MRC2: variants seen among roughly 807,000 people sequenced by gnomAD.
MRC2 encodes the protein C-type mannose receptor 2.
MRC2 carries 84 observed loss-of-function variants against 206.2 expected under a neutral mutation model. That is an observed-to-expected ratio of 0.41 (90% CI 0.34 to 0.49). The LOEUF is 0.49. MRC2 is among the 20% of genes least tolerant of loss of function. The pLI is 0.31. For missense variants in MRC2, 1,676 were observed against 2,001.5 expected, an observed-to-expected ratio of 0.84 and a Z score of 3.10; for synonymous variants, 798 against 800.0, an observed-to-expected ratio of 1.00 and a Z score of 0.04.
Position 62,627,815 on chromosome 17 carries a change from C to G in MRC2, c.13C>G (p.Arg5Gly), listed in dbSNP as rs1283787882. MGPG[R>G]PAPAPWPRHL... ...GCCGCGCTCGGGGATGGGGCCCGGC[C>G]GGCCGGCCCCCGCGCCCTGGCCTCG... is the stretch of plus-strand genomic sequence containing the variant. Residue 5 changes from arginine (R) to glycine (G), a missense_variant, in exon 1 of 30, where the codon CGG becomes GGG. Arg to Gly is a moderately radical substitution (Grantham distance 125). Transcript: ENST00000303375. 2 of 1,445,720 alleles carry G rather than the reference C, an allele frequency of 1.4e-6. No homozygotes were observed. The highest frequency in any genetic ancestry group is 3.0e-5 in the East Asian group (1 of 33,200). 89.6% of individuals were successfully genotyped at this position (1,445,720 alleles called of 1,614,324 possible). A position where few individuals can be genotyped will look rare whatever the true frequency, so the allele number is the denominator to read the frequency against.
At position 62,690,156 on chromosome 17, in the gene MRC2, G is replaced by T. The variant is rs1237380638; in HGVS notation, c.3743G>T (p.Gly1248Val). The T allele has an allele frequency of 6.2e-7, 1 of 1,601,638 alleles. No individual in the cohort carries two copies. Among genetic ancestry groups the T allele is most frequent in the African/African-American group, 1.3e-5 (1 of 74,714 alleles). ...ACTTCTTAATCCTGTACCCCCACAG[G>T]GCCCCCTCCTCCCCGAAGAATAAGC... is the stretch of plus-strand genomic sequence containing the variant. Reference protein sequence around the residue: ...LQGAVCGVSSGPPPPRRISYH... With the variant: ...LQGAVCGVSSVPPPPRRISYH... The change falls in exon 26 of 30, where the codon GGG becomes GTG. Residue 1248 changes from glycine (G) to valine (V), a missense_variant and splice_region_variant. Coordinates refer to ENST00000303375, the MANE Select transcript of MRC2 (RefSeq NM_006039.5).
rs376105005 is a variant in MRC2 at position 62,680,469 on chromosome 17, C to T, written c.2473+16C>T. ...AGCCCTCAAGGTGAGCACCCCCCAG[C>T]CCATCCCGCTACCCATCGCGTGGGA... On this transcript the variant is annotated intron_variant, in intron 16 of 29. Coordinates refer to ENST00000303375, the MANE Select transcript of MRC2 (RefSeq NM_006039.5). This position sits in a 1 kb window ranked among gnomAD's most constrained non-coding sequence, Gnocchi z 4.8. The T allele has an allele frequency of 6.8e-6, 11 of 1,613,770 alleles. No individual in the cohort carries two copies. In the African/African-American group the frequency reaches 1.1e-4, roughly 16 times the overall value.
In MRC2 at chr17:62,690,985, A is replaced by G. The variant is rs2089103260; in HGVS notation, c.4049A>G (p.Asn1350Ser). The part of the protein sequence containing the change: ...TLVWQDNTAV[N>S]YSNWGPPGLG... Reference sequence around the variant, plus strand: ...GTCTGGCAGGACAACACAGCTGTGAACTACTCCAACTGGGGGCCCCCGGGC... The same window carrying G: ...GTCTGGCAGGACAACACAGCTGTGAGCTACTCCAACTGGGGGCCCCCGGGC... The change falls in exon 28 of 30, where the codon AAC (asparagine) becomes AGC (serine). Residue 1350 changes from asparagine (N) to serine (S), a missense_variant. Transcript: ENST00000303375. The G allele has an allele frequency of 1.9e-6, 3 of 1,608,682 alleles. No individual in the cohort carries two copies. The East Asian group carries it at 6.7e-5, about 36-fold the overall frequency.
Position 62,635,258 on chromosome 17 carries a change from C to T in MRC2, c.118+7338C>T, listed in dbSNP as rs1008439158. Among the ~76,000 whole-genome samples, 7 of 132,952 alleles carry T rather than the reference C, an allele frequency of 5.3e-5. No individual in the cohort carries two copies. In the Admixed American group the frequency reaches 5.8e-4, roughly 11 times the overall value. The allele number at this position is 132,952 out of a possible 152,430, so 87.2% of individuals were successfully genotyped here. ...GGCATTACTTCTTCGTGACACTTTG[C>T]TAACTACTGTAAGTGCCAAAAAGTA... On this transcript the variant is annotated intron_variant, in intron 1 of 29. Coordinates refer to ENST00000303375, the MANE Select transcript of MRC2 (RefSeq NM_006039.5).
chr17:62,689,260 T>C (rs866768187), intron 23 of MRC2: 19 of 584,460 alleles, frequency 3.3e-5, no homozygotes, highest in South Asian at 2.2e-4. Context: ...CCAAGACACC[T>C]CCAGCTCCAT....
At chr17:62,690,511 C>G in intron 26 of MRC2, 131 bp from the exon 27 acceptor site, 1 of 1,409,816 alleles carries the variant, frequency 7.1e-7, no homozygotes, top group Non-Finnish European at 9.6e-7. Flanking sequence ...TGTGCACACA[C>G]ACACACATGA....
chr17:62,689,316 A>C (rs1191984296), intron 23 of MRC2: 2 of 582,124 alleles, frequency 3.4e-6, no homozygotes, highest in Admixed American at 3.1e-5. Flanking sequence ...GAGGAGGTCA[A>C]GGCCCTCACC....
Position 62,680,671 on chromosome 17 carries a change from T to C in MRC2, c.2474-129T>C, listed in dbSNP as rs2088952910. On this transcript the variant is annotated intron_variant, in intron 16 of 29. Transcript: ENST00000303375. The surrounding 1 kb of genome is among the most constrained non-coding windows in gnomAD (Gnocchi z 4.8). ...CCTGGGGCCTGGCACGGTGCCTGCCTGGGTCCGGTGTGCCTGCAGGCTCGC... is the reference window on the plus strand; with the variant it reads ...CCTGGGGCCTGGCACGGTGCCTGCCCGGGTCCGGTGTGCCTGCAGGCTCGC... The C allele has an allele frequency of 2.4e-5, 31 of 1,301,052 alleles. No individual in the cohort carries two copies. In the South Asian group the frequency reaches 4.3e-4, roughly 18 times the overall value. The allele number at this position is 1,301,052 out of a possible 1,614,324, so 80.6% of individuals were successfully genotyped here. A position where few individuals can be genotyped will look rare whatever the true frequency, so the allele number is the denominator to read the frequency against.
intron 20 of MRC2, among the ~76,000 whole-genome samples, chr17:62,682,895 C>T (rs1011381794): frequency 6.6e-6 from 1 of 152,046 alleles, no homozygotes; most frequent in Non-Finnish European, 1.5e-5. Flanking sequence ...CCTGCCTTGG[C>T]CTCCCAAAGT....
At chr17:62,659,057 ATGTC>A (rs2088650768) in intron 1 of MRC2, among the ~76,000 whole-genome samples, 1 of 152,258 alleles carries the variant, frequency 6.6e-6, no homozygotes, top group Non-Finnish European at 1.5e-5. Context: ...TGCCGATTCA[ATGTC>A]TGGTGAGGGC....
chr17:62,658,339 T>A (rs1006471117), intron 1 of MRC2, among the ~76,000 whole-genome samples: 4 of 152,200 alleles, frequency 2.6e-5, no homozygotes, highest in African/African-American at 9.6e-5. Context: ...GAACATGCCA[T>A]GCACCTAGCA....
intron 1 of MRC2, among the ~76,000 whole-genome samples, chr17:62,637,707 A>C (rs1294873051): frequency 6.6e-6 from 1 of 151,826 alleles, no homozygotes; most frequent in Non-Finnish European, 1.5e-5. Flanking sequence ...GCTGTTTCTG[A>C]GTCCCAACTC....
intron 1 of MRC2, among the ~76,000 whole-genome samples, chr17:62,636,705 C>T (rs948210484): frequency 1.3e-5 from 2 of 151,950 alleles, no homozygotes; most frequent in African/African-American, 2.4e-5. Context: ...ACCTCCTGAC[C>T]TCGTGATCCG....
At chr17:62,659,929 T>C (rs2088661598) in intron 1 of MRC2, among the ~76,000 whole-genome samples, 1 of 152,208 alleles carries the variant, frequency 6.6e-6, no homozygotes, top group Admixed American at 6.5e-5. Flanking sequence ...ATTTGTTCCT[T>C]CAGTATTTAA....
chr17:62,660,273 C>G (rs1158781268), intron 1 of MRC2, among the ~76,000 whole-genome samples: 2 of 152,200 alleles, frequency 1.3e-5, no homozygotes, highest in East Asian at 3.9e-4. Flanking sequence ...GGCAGTTTTA[C>G]CGGTTAGAGC....
In MRC2 at chr17:62,671,702, G is replaced by C; in HGVS notation, c.1171G>C (p.Gly391Arg). 1 of 1,611,024 alleles carries C rather than the reference G, an allele frequency of 6.2e-7. No individual in the cohort carries two copies. The highest frequency in any genetic ancestry group is 8.5e-7 in the Non-Finnish European group (1 of 1,178,450). Residue 391 changes from glycine (G) to arginine (R), a missense_variant, in exon 7 of 30, where the codon GGC (glycine) becomes CGC (arginine). Transcript: ENST00000303375. The surrounding 1 kb of genome is among the most constrained non-coding windows in gnomAD (Gnocchi z 4.5). Reference protein sequence around the residue: ...ECEPSWQPFQGHCYRLQAEKR... With the variant: ...ECEPSWQPFQRHCYRLQAEKR... ...CGAGCCGAGCTGGCAGCCCTTCCAG[G>C]GCCACTGCTACCGCCTGCAGGCCGA... is the stretch of plus-strand genomic sequence containing the variant.
chr17:62,663,398 G>T (rs2088704439), intron 1 of MRC2, among the ~76,000 whole-genome samples: 5 of 151,936 alleles, frequency 3.3e-5, no homozygotes, highest in Admixed American at 3.3e-4. Context: ...TTTTTTCACA[G>T]CATTGTGCAA....
chr17:62,627,909 C>A lies in MRC2; in HGVS notation c.107C>A (p.Ala36Asp). The A allele has an allele frequency of 6.8e-7, 1 of 1,460,886 alleles. No individual in the cohort carries two copies. Among genetic ancestry groups the A allele is most frequent in the East Asian group, 3.0e-5 (1 of 33,674 alleles). 90.5% of individuals were successfully genotyped at this position (1,460,886 alleles called of 1,614,324 possible). A position where few individuals can be genotyped will look rare whatever the true frequency, so the allele number is the denominator to read the frequency against. ...GGCCGTCCCGGCGCCCCTGGGGACG[C>A]CGCCCTCCCGGGTAAGGCGCTGCCA... is the stretch of plus-strand genomic sequence containing the variant. ...HLGRPGAPGD[A>D]ALPEPNVFLI... The change falls in exon 1 of 30, where the codon GCC becomes GAC. Residue 36 changes from alanine to aspartate, a missense_variant. Transcript: ENST00000303375.
intron 1 of MRC2, among the ~76,000 whole-genome samples, chr17:62,651,229 G>A (rs919581004): frequency 6.6e-6 from 1 of 151,818 alleles, no homozygotes; most frequent in African/African-American, 2.4e-5. Context: ...GACTACAGGC[G>A]AACGCCACCA....
Sources: gnomAD v4.1 joint callset for allele counts (sites outside exome capture counted in the v4.1 genomes callset) on GRCh38, gnomAD v4.1.1 for gene constraint, Gnocchi (gnomAD v3.1) non-coding constraint, MANE v1.5 for transcripts, NCBI Gene and HGNC (gene_info 2026-07-23, HGNC 2026-07-21) for gene names.